Variants in SLC26A4 observed in about 807,000 individuals in gnomAD.
The protein encoded by SLC26A4 is pendrin.
In SLC26A4, 93 loss-of-function variants were observed where a neutral mutation model predicts 90.4. The observed-to-expected ratio is 1.03, with a 90% CI of 0.87 to 1.22. The LOEUF (loss-of-function observed/expected upper bound fraction) is 1.22. Among genes scored for constraint, SLC26A4 ranks in the 50% most tolerant of loss-of-function variants. The pLI is 0.00. For synonymous variants in SLC26A4, 393 were observed against 354.6 expected, an observed-to-expected ratio of 1.11 and a Z score of -1.22; for missense variants, 1,127 against 946.2, an observed-to-expected ratio of 1.19 and a Z score of -2.51.
chr7:107,708,584 C>A (rs1041511239), intron 18 of SLC26A4, among the ~76,000 whole-genome samples: 1 of 152,068 alleles, frequency 6.6e-6, no homozygotes, highest in African/African-American at 2.4e-5. Flanking sequence ...CCGGTCATGG[C>A]GGCTCACATC....
Position 107,695,984 on chromosome 7 carries a change from G to A in SLC26A4, c.1489G>A (p.Gly497Ser), listed in dbSNP as rs111033308. Reference sequence around the variant, plus strand: ...GTCCATCATTCTGGGGCTGGATCTCGGTTTACTAGCTGGCCTTATATTTGG... The same window carrying A: ...GTCCATCATTCTGGGGCTGGATCTCAGTTTACTAGCTGGCCTTATATTTGG... ...IVSIILGLDL[G>S]LLAGLIFGLL... The change falls in exon 13 of 21, where the codon GGT becomes AGT. Residue 497 changes from glycine (G) to serine (S), a missense_variant. Transcript: ENST00000644269. 2.0e-5 allele frequency: 32 copies of A among 1,612,898 alleles called. No homozygotes were observed. The highest frequency in any genetic ancestry group is 8.0e-5 in the African/African-American group (6 of 74,822).
intron 3 of SLC26A4, among the ~76,000 whole-genome samples, chr7:107,663,926 G>T (rs1394559944): frequency 6.6e-6 from 1 of 152,002 alleles, no homozygotes; most frequent in Non-Finnish European, 1.5e-5. Flanking sequence ...CTCGTGATCC[G>T]CCTGCCTTGG....
chr7:107,697,217 G>T (rs999281509), intron 13 of SLC26A4, among the ~76,000 whole-genome samples: 1 of 152,120 alleles, frequency 6.6e-6, no homozygotes, highest in Non-Finnish European at 1.5e-5. Context: ...GAAAAGAAGG[G>T]TTTTACAGAG....
intron 3 of SLC26A4, among the ~76,000 whole-genome samples, chr7:107,665,402 G>A (rs1451593438): frequency 6.6e-6 from 1 of 152,138 alleles, no homozygotes; most frequent in Admixed American, 6.5e-5. Flanking sequence ...AGGATGGGCT[G>A]TGTGGTTCCT....
At chr7:107,677,798 G>A (rs2129312683) in intron 6 of SLC26A4, among the ~76,000 whole-genome samples, 1 of 152,022 alleles carries the variant, frequency 6.6e-6, no homozygotes, top group African/African-American at 2.4e-5. Context: ...TTGAATTTTA[G>A]TAGAGGCAAT....
At chr7:107,695,394 C>A (rs918619187) in intron 12 of SLC26A4, among the ~76,000 whole-genome samples, 21 of 152,086 alleles carry the variant, frequency 1.4e-4, no homozygotes, top group African/African-American at 5.1e-4. Flanking sequence ...ATGAACCATA[C>A]AAATATATTA....
intron 18 of SLC26A4, among the ~76,000 whole-genome samples, chr7:107,708,788 A>G (rs1272781581): frequency 1.5e-5 from 2 of 135,760 alleles, no homozygotes; most frequent in African/African-American, 5.4e-5. Context: ...CTGGTAATGT[A>G]TGGAAATGTG....
At chr7:107,704,935 G>T (rs1791999535) in intron 18 of SLC26A4, among the ~76,000 whole-genome samples, 1 of 152,164 alleles carries the variant, frequency 6.6e-6, no homozygotes, top group African/African-American at 2.4e-5. Flanking sequence ...CTTGTCTGTT[G>T]TCGTCTAGTG....
At position 107,715,774 on chromosome 7, in the gene SLC26A4, G is replaced by A. The variant is rs1374972260; in HGVS notation, c.*328G>A. The A allele has an allele frequency of 5.2e-6, 2 of 387,424 alleles. No homozygotes were observed. Among genetic ancestry groups the A allele is most frequent in the Admixed American group, 3.9e-5 (1 of 25,740 alleles). 24.0% of individuals were successfully genotyped at this position (387,424 alleles called of 1,614,324 possible). On this transcript the variant is annotated 3_prime_UTR_variant, in exon 21 of 21. Coordinates refer to ENST00000644269, the MANE Select transcript of SLC26A4 (RefSeq NM_000441.2). ...AGTTAGAGTGAGTGCTGACCCAACA[G>A]CCTCTGTGGTCAAGCGAGTCACGAA... is the stretch of plus-strand genomic sequence containing the variant.
At chr7:107,679,815 T>TATATA (rs1271902085) in intron 6 of SLC26A4, among the ~76,000 whole-genome samples, 10 of 137,080 alleles carry the variant, frequency 7.3e-5, no homozygotes, top group Non-Finnish European at 1.5e-4. Flanking sequence ...CTTATATTAT[T>TATATA]ATATAATATA....
intron 10 of SLC26A4, chr7:107,691,709 G>T: frequency 2.0e-6 from 1 of 493,844 alleles, no homozygotes; most frequent in Non-Finnish European, 2.6e-6. Context: ...TGGAAGAATT[G>T]GCCTCTTCCA....
chr7:107,701,303 G>T, intron 16 of SLC26A4, 107 bp downstream of exon 16: 1 of 752,708 alleles, frequency 1.3e-6, no homozygotes, highest in Admixed American at 2.0e-5. Flanking sequence ...AGATGTGAAT[G>T]AACAAATGAC....
intron 12 of SLC26A4, among the ~76,000 whole-genome samples, chr7:107,695,611 T>C (rs1344216106): frequency 6.6e-6 from 1 of 152,140 alleles, no homozygotes; most frequent in Non-Finnish European, 1.5e-5. Flanking sequence ...GAGACCAGCC[T>C]GCGTAACACA....
Position 107,663,574 on chromosome 7 carries a change from T to A in SLC26A4, c.304+139T>A, listed in dbSNP as rs1216909499. The A allele has an allele frequency of 4.5e-6, 4 of 893,332 alleles. No homozygotes were observed. The East Asian group carries it at 7.5e-5, about 17-fold the overall frequency. 55.3% of individuals were successfully genotyped at this position (893,332 alleles called of 1,614,324 possible). On this transcript the variant is annotated intron_variant, in intron 3 of 20. Coordinates refer to ENST00000644269, the MANE Select transcript of SLC26A4 (RefSeq NM_000441.2). Reference sequence around the variant, plus strand: ...CTGTAGAGCCCCTTAGTGGAGAGAGTCACCTCTCTTCTCCCCTTCCTTAGA... The same window carrying A: ...CTGTAGAGCCCCTTAGTGGAGAGAGACACCTCTCTTCTCCCCTTCCTTAGA...
At position 107,715,187 on chromosome 7, in the gene SLC26A4, A is replaced by G. The variant is rs1283287306; in HGVS notation, c.2320-236A>G. Among the ~76,000 whole-genome samples the G allele has an allele frequency of 2.0e-5, 3 of 151,448 alleles. No individual in the cohort carries two copies. The East Asian group carries it at 5.8e-4, about 29-fold the overall frequency. On this transcript the variant is annotated intron_variant, in intron 20 of 20. Transcript: ENST00000644269. Reference sequence around the variant, plus strand: ...GAGGCAGAGGTTGCAGTGAGCTGAGATCACGCCACAGCACTCCAGCCTGGG... The same window carrying G: ...GAGGCAGAGGTTGCAGTGAGCTGAGGTCACGCCACAGCACTCCAGCCTGGG...
chr7:107,712,524 G>A lies in SLC26A4; in HGVS notation c.2236-15G>A, dbSNP rs372776461. ...TGATGCTATTCTATTTCTACCCTGT[G>A]TTCTCTTTTTCAAGATCACTCTCAT... is the stretch of plus-strand genomic sequence containing the variant. On this transcript the variant is annotated splice_polypyrimidine_tract_variant and intron_variant, in intron 19 of 20. Transcript: ENST00000644269. 2.2e-4 allele frequency: 303 copies of A among 1,361,320 alleles called. No individual in the cohort carries two copies. Among genetic ancestry groups the A allele is most frequent in the Non-Finnish European group, 2.3e-4 (219 of 949,728 alleles). The allele number at this position is 1,361,320 out of a possible 1,614,324, so 84.3% of individuals were successfully genotyped here.
chr7:107,665,400 C>G (rs1007917854), intron 3 of SLC26A4, among the ~76,000 whole-genome samples: 1 of 152,186 alleles, frequency 6.6e-6, no homozygotes. Context: ...CTAGGATGGG[C>G]TGTGTGGTTC....
chr7:107,672,153 T>A lies in SLC26A4; in HGVS notation c.320T>A (p.Leu107Gln). Reference sequence around the variant, plus strand: ...GTGCTTTCAGGGATGGCATATGCCCTACTAGCTGCAGTTCCTGTCGGATAT... The same window carrying A: ...GTGCTTTCAGGGATGGCATATGCCCAACTAGCTGCAGTTCCTGTCGGATAT... ...VATLQGMAYA[L>Q]LAAVPVGYGL... The change falls in exon 4 of 21, where the codon CTA becomes CAA. Residue 107 changes from leucine (L) to glutamine (Q), a missense_variant. By Grantham distance (113) the Leu-to-Gln change is moderately radical. Transcript: ENST00000644269. The A allele has an allele frequency of 1.9e-6, 3 of 1,610,710 alleles. No individual in the cohort carries two copies. The highest frequency in any genetic ancestry group is 2.5e-6 in the Non-Finnish European group (3 of 1,176,950).
chr7:107,695,752 G>A (rs1791720156), intron 12 of SLC26A4, among the ~76,000 whole-genome samples, 181 bp from the exon 13 acceptor site: 1 of 152,084 alleles, frequency 6.6e-6, no homozygotes, highest in African/African-American at 2.4e-5. Flanking sequence ...GATGGAGGCT[G>A]CAGTGAACTA....
Sources: gnomAD v4.1 joint callset for allele counts (sites outside exome capture counted in the v4.1 genomes callset) on GRCh38, gnomAD v4.1.1 for gene constraint, MANE v1.5 for transcripts, NCBI Gene and HGNC (gene_info 2026-07-23, HGNC 2026-07-21) for gene names.